The following GPR107 variants were observed in gnomAD, a reference collection of about 807,000 sequenced individuals.
The protein encoded by GPR107 is protein GPR107.
Under a neutral mutation model 75.5 loss-of-function variants are expected in GPR107, and 31 were observed. The observed-to-expected ratio is 0.41, with a 90% confidence interval of 0.31 to 0.55. The LOEUF (loss-of-function observed/expected upper bound fraction) is 0.55, where lower values mean the gene tolerates loss of function less well. GPR107 is among the 20% of genes least tolerant of loss of function. The pLI, the probability that GPR107 is intolerant of heterozygous loss-of-function variation, is 0.26. For synonymous variants in GPR107, 267 were observed against 251.3 expected, an observed-to-expected ratio of 1.06 and a Z score of -0.59; for missense variants, 572 against 665.7, an observed-to-expected ratio of 0.86 and a Z score of 1.55.
At chr9:130,095,608 T>C (rs1242315751) in intron 9 of GPR107, among the ~76,000 whole-genome samples, 1 of 152,152 alleles carries the variant, frequency 6.6e-6, no homozygotes, top group African/African-American at 2.4e-5. Flanking sequence ...TTGGCTGGGA[T>C]GGTCTTGATC....
At chr9:130,057,932 C>G (rs754482824) in intron 1 of GPR107, among the ~76,000 whole-genome samples, 1 of 151,796 alleles carries the variant, frequency 6.6e-6, no homozygotes, top group Non-Finnish European at 1.5e-5. Context: ...CCGGTTCAAG[C>G]GATCTCCTGC....
intron 1 of GPR107, 84 bp from the exon 2 acceptor site, chr9:130,075,549 TATC>T (rs1419395029): frequency 1.4e-6 from 1 of 726,456 alleles, no homozygotes; most frequent in East Asian, 2.7e-5. Context: ...CCCAGCCTGA[TATC>T]ATACTTTTTA....
chr9:130,109,593 G>A (rs1332883504), intron 14 of GPR107, among the ~76,000 whole-genome samples: 1 of 139,704 alleles, frequency 7.2e-6, no homozygotes, highest in Non-Finnish European at 1.5e-5. Flanking sequence ...TTTTGGAGAC[G>A]AAGTCTCGCA....
chr9:130,086,337 T>G, intron 6 of GPR107, 83 bp from the exon 7 acceptor site: 1 of 755,546 alleles, frequency 1.3e-6, no homozygotes, highest in Non-Finnish European at 2.3e-6. Flanking sequence ...AAGAAACATG[T>G]TTTGTTTTGT....
At chr9:130,086,252 G>A (rs1353012022) in intron 6 of GPR107, among the ~76,000 whole-genome samples, 168 bp from the exon 7 acceptor site, 1 of 152,186 alleles carries the variant, frequency 6.6e-6, no homozygotes, top group Non-Finnish European at 1.5e-5. Context: ...TGTGAAAGCA[G>A]ATTTCAGCCA....
rs1554895842 is a variant in GPR107, at chr9:130,106,617, A to AAATAAATAAT, written c.1263-874_1263-873insATAATAATAA. Among the ~76,000 whole-genome samples the AAATAAATAAT allele has an allele frequency of 1.2e-3, 169 of 145,196 alleles. 1 individual carries two copies. Among genetic ancestry groups the AAATAAATAAT allele is most frequent in the African/African-American group, 3.1e-3 (123 of 39,390 alleles). On this transcript the variant is annotated intron_variant, in intron 13 of 17. Transcript: ENST00000347136. ...TCTCAAAATAAATAAATAAATAAAT[A>AAATAAATAAT]AATAATAATAATAATAATAATACTT...
chr9:130,127,367 T>C (rs1831713753), intron 15 of GPR107, 116 bp from the exon 16 acceptor site: 2 of 674,800 alleles, frequency 3.0e-6, no homozygotes, highest in African/African-American at 3.5e-5. Context: ...TGTCACATAC[T>C]TTTCTTTGAG....
At chr9:130,086,309 T>G (rs1413465190) in intron 6 of GPR107, 111 bp from the exon 7 acceptor site, 23 of 689,034 alleles carry the variant, frequency 3.3e-5, no homozygotes, top group Middle Eastern at 7.1e-4. Context: ...TTTTTGAAGG[T>G]CAGCAAATTT....
intron 1 of GPR107, among the ~76,000 whole-genome samples, chr9:130,071,310 A>G (rs113447112): frequency 0.041 from 6,116 of 149,350 alleles, 411 homozygotes; most frequent in African/African-American, 0.14. Context: ...TATAGGCGAG[A>G]GCCACCTCGC....
chr9:130,105,644 A>C (rs1006478602), intron 13 of GPR107, among the ~76,000 whole-genome samples: 2 of 151,890 alleles, frequency 1.3e-5, no homozygotes, highest in African/African-American at 4.8e-5. Context: ...TATTTATAAC[A>C]TGGTGCAAAT....
At chr9:130,126,745 C>G (rs1831698482) in intron 15 of GPR107, among the ~76,000 whole-genome samples, 2 of 152,196 alleles carry the variant, frequency 1.3e-5, no homozygotes, top group Admixed American at 1.3e-4. Context: ...GAGAGAGATG[C>G]AAGAGCAGAC....
At chr9:130,111,970 C>T (rs572104087) in intron 14 of GPR107, among the ~76,000 whole-genome samples, 72 of 152,274 alleles carry the variant, frequency 4.7e-4, no homozygotes, top group African/African-American at 1.6e-3. Flanking sequence ...ACACACCTAG[C>T]GCTGGCTCCA....
intron 1 of GPR107, among the ~76,000 whole-genome samples, chr9:130,071,579 AT>A (rs1457506340): frequency 1.3e-5 from 2 of 152,114 alleles, no homozygotes; most frequent in Admixed American, 6.6e-5. Flanking sequence ...AGGGTCAGAA[AT>A]CATAGGTAAA....
chr9:130,101,009 A>G, intron 11 of GPR107, 97 bp from the exon 12 acceptor site: 1 of 782,648 alleles, frequency 1.3e-6, no homozygotes, highest in East Asian at 2.4e-5. Flanking sequence ...CGTCTTTTGT[A>G]AGAAGCTTGT....
At chr9:130,060,700 G>A (rs1440412973) in intron 1 of GPR107, among the ~76,000 whole-genome samples, 1 of 152,124 alleles carries the variant, frequency 6.6e-6, no homozygotes, top group East Asian at 1.9e-4. Flanking sequence ...ATGAGCAAGT[G>A]GACAGGAAGT....
intron 1 of GPR107, among the ~76,000 whole-genome samples, chr9:130,075,176 A>G (rs1489771270): frequency 2.0e-5 from 3 of 151,786 alleles, no homozygotes; most frequent in African/African-American, 7.3e-5. Flanking sequence ...GTTACTGAGC[A>G]TATGGAAACA....
In GPR107 at chr9:130,113,266, T is replaced by C. The variant is rs868406348; in HGVS notation, c.1306+5727T>C. On this transcript the variant is annotated intron_variant, in intron 14 of 17. Coordinates refer to ENST00000347136, the MANE Select transcript of GPR107 (RefSeq NM_020960.5). ...AGATCTTTTTTTTTTTTTTTTTTTT[T>C]CCTTGAGTCAGGCTGGAGTGCAATG... Among the ~76,000 whole-genome samples, 752 of 103,408 alleles carry C rather than the reference T, an allele frequency of 7.3e-3. 7 individuals are homozygous for C. Among genetic ancestry groups the C allele is most frequent in the African/African-American group, 0.026 (716 of 27,042 alleles). 67.8% of individuals were successfully genotyped at this position (103,408 alleles called of 152,430 possible).
At chr9:130,094,425 A>C (rs1830814589) in intron 9 of GPR107, among the ~76,000 whole-genome samples, 2 of 151,900 alleles carry the variant, frequency 1.3e-5, no homozygotes, top group South Asian at 4.2e-4. Flanking sequence ...TTAAAAAAAA[A>C]ATCCAGTTGT....
chr9:130,132,443 G>A (rs1186868257), intron 17 of GPR107, among the ~76,000 whole-genome samples: 1 of 152,132 alleles, frequency 6.6e-6, no homozygotes, highest in Non-Finnish European at 1.5e-5. Flanking sequence ...TGTCCACCCT[G>A]GTTCTCTCCC....
Sources: gnomAD v4.1 joint callset for allele counts (sites outside exome capture counted in the v4.1 genomes callset) on GRCh38, gnomAD v4.1.1 for gene constraint, MANE v1.5 for transcripts, NCBI Gene and HGNC (gene_info 2026-07-23, HGNC 2026-07-21) for gene names.